The following ATRX variants were observed in gnomAD, a reference collection of about 807,000 sequenced individuals.
ATRX encodes ATRX chromatin remodeler.
ATRX carries 12 observed loss-of-function variants against 172.6 expected under a neutral mutation model. The observed-to-expected ratio is 0.07, with a 90% CI of 0.04 to 0.11. The LOEUF is 0.11. ATRX is among the 10% of genes least tolerant of loss of function. ATRX has a pLI of 1.00. For synonymous variants in ATRX, 674 were observed against 594.7 expected, an observed-to-expected ratio of 1.13 and a Z score of -1.94; for missense variants, 1,368 against 1,767.4, an observed-to-expected ratio of 0.77 and a Z score of 4.05.
intron 27 of ATRX, among the ~76,000 whole-genome samples, chrX:77,587,077 A>G (rs1366606505): frequency 1.8e-5 from 2 of 110,990 alleles, no homozygotes; most frequent in African/African-American, 6.5e-5. Flanking sequence ...AAGTTGAAAA[A>G]TTAGAGAAAG....
chrX:77,524,873 G>A (rs2063334261), intron 30 of ATRX, among the ~76,000 whole-genome samples: 1 of 108,738 alleles, frequency 9.2e-6, no homozygotes, highest in Non-Finnish European at 1.9e-5. Flanking sequence ...AGCCTCCCGA[G>A]TAGCTAGGAC....
chrX:77,557,197 T>C (rs1378008797), intron 30 of ATRX, among the ~76,000 whole-genome samples: 2 of 111,966 alleles, frequency 1.8e-5, no homozygotes, highest in East Asian at 5.5e-4. Flanking sequence ...TATTAGAAAA[T>C]ATGCTAATTA....
intron 27 of ATRX, among the ~76,000 whole-genome samples, chrX:77,588,165 T>A (rs1481585959): frequency 8.9e-6 from 1 of 112,150 alleles, no homozygotes; most frequent in Non-Finnish European, 1.9e-5. Flanking sequence ...TGACAAAAAC[T>A]ATTCAATAAA....
intron 10 of ATRX, among the ~76,000 whole-genome samples, chrX:77,668,569 G>C (rs1255635543): frequency 9.0e-6 from 1 of 111,598 alleles, no homozygotes. Context: ...GGCAGAGCCA[G>C]AAGTAATGGA....
At chrX:77,625,350 C>G (rs1202882335) in intron 19 of ATRX, among the ~76,000 whole-genome samples, 1 of 112,297 alleles carries the variant, frequency 8.9e-6, no homozygotes, top group Non-Finnish European at 1.9e-5. Flanking sequence ...ATTTCATGGT[C>G]AAGAACCCAA....
intron 27 of ATRX, among the ~76,000 whole-genome samples, chrX:77,574,917 C>G (rs905542549): frequency 1.8e-5 from 2 of 108,704 alleles, no homozygotes; most frequent in Admixed American, 2.0e-4. Context: ...TAAAGGAGTA[C>G]GACTTTATGA....
intron 19 of ATRX, among the ~76,000 whole-genome samples, chrX:77,626,922 A>G (rs2067882081): frequency 8.9e-6 from 1 of 112,217 alleles, no homozygotes; most frequent in Non-Finnish European, 1.9e-5. Context: ...CTGAAGAACT[A>G]GAAGAATTAA....
chrX:77,709,879 T>C (rs2073025389), intron 2 of ATRX, among the ~76,000 whole-genome samples: 1 of 112,315 alleles, frequency 8.9e-6, no homozygotes, highest in South Asian at 3.6e-4. Context: ...CTGGCATTTA[T>C]TGCAAAGAAA....
At chrX:77,651,969 G>T in intron 15 of ATRX, 145 bp downstream of exon 15, 1 of 528,079 alleles carries the variant, frequency 1.9e-6, no homozygotes, top group South Asian at 2.8e-5. Context: ...TTAAGGCTGG[G>T]TGTGTTGACT....
chrX:77,551,698 A>G lies in ATRX; in HGVS notation c.6699+5753T>C, dbSNP rs1421062112. 8.9e-5 allele frequency among the ~76,000 whole-genome samples: 10 copies of G among 112,129 alleles called. No individual in the cohort carries two copies. The South Asian group carries it at 1.1e-3, about 12-fold the overall frequency. ...GAATGGGCAACCTATAGAATGGGAG[A>G]AAATTTTTGCAATCTACCCATCTGA... On this transcript the variant is annotated intron_variant, in intron 30 of 34. Transcript: ENST00000373344.
At chrX:77,678,446 C>T (rs1433971995) in intron 9 of ATRX, among the ~76,000 whole-genome samples, 1 of 112,304 alleles carries the variant, frequency 8.9e-6, no homozygotes, top group African/African-American at 3.2e-5. Context: ...AAGTAGTTCA[C>T]TTGCCATTTA....
At chrX:77,779,503 T>A (rs2076493759) in intron 1 of ATRX, among the ~76,000 whole-genome samples, 1 of 111,426 alleles carries the variant, frequency 9.0e-6, no homozygotes, top group Non-Finnish European at 1.9e-5. Context: ...ACAGTTAACA[T>A]CTCCTTTGCA....
chrX:77,624,136 C>A (rs1341862135), intron 19 of ATRX, among the ~76,000 whole-genome samples: 1 of 111,170 alleles, frequency 9.0e-6, no homozygotes, highest in Non-Finnish European at 1.9e-5. Flanking sequence ...GGAGGCTGAG[C>A]GGGCAGATCA....
At chrX:77,616,839 A>T in intron 21 of ATRX, 109 bp from the exon 22 acceptor site, 4 of 544,851 alleles carry the variant, frequency 7.3e-6, no homozygotes, top group Admixed American at 2.9e-5. Context: ...AATAGGCACT[A>T]AACATATAAG....
At chrX:77,514,480 A>C (rs2062985378) in intron 34 of ATRX, among the ~76,000 whole-genome samples, 1 of 111,795 alleles carries the variant, frequency 8.9e-6, no homozygotes, top group Non-Finnish European at 1.9e-5. Context: ...GATCTTTGAC[A>C]AAGTTGACAA....
intron 9 of ATRX, among the ~76,000 whole-genome samples, chrX:77,680,267 A>G (rs1461510484): frequency 8.9e-6 from 1 of 112,223 alleles, no homozygotes; most frequent in East Asian, 2.8e-4. Context: ...TTGAAGTTAC[A>G]ATAGCCACAC....
At chrX:77,659,993 C>CA (rs1557121708) in intron 12 of ATRX, among the ~76,000 whole-genome samples, 1 of 111,478 alleles carries the variant, frequency 9.0e-6, no homozygotes, top group Admixed American at 9.6e-5. Flanking sequence ...CCTACACAAA[C>CA]AAAAAACAAC....
intron 2 of ATRX, among the ~76,000 whole-genome samples, chrX:77,702,335 C>T (rs1205326924): frequency 4.5e-5 from 5 of 111,520 alleles, no homozygotes; most frequent in Non-Finnish European, 9.4e-5. Flanking sequence ...CCCAGCTACT[C>T]GGTAAGCCGA....
At chrX:77,612,065 C>T (rs1346421351) in intron 22 of ATRX, among the ~76,000 whole-genome samples, 2 of 111,318 alleles carry the variant, frequency 1.8e-5, no homozygotes, top group African/African-American at 6.5e-5. Context: ...TCAAAGTTAA[C>T]ATTTCAGTGT....
Sources: allele counts gnomAD v4.1 joint callset (sites outside exome capture counted in the v4.1 genomes callset), GRCh38; gene constraint gnomAD v4.1.1; transcripts MANE v1.5; gene names NCBI Gene and HGNC (gene_info 2026-07-23, HGNC 2026-07-21).